Variants in SNX13 observed in about 807,000 individuals in gnomAD.
SNX13 encodes the protein sorting nexin-13.
Under a neutral mutation model 133.6 loss-of-function variants are expected in SNX13, and 45 were observed. The observed-to-expected ratio is 0.34, with a 90% CI of 0.27 to 0.43. The LOEUF is 0.43. SNX13 is among the 20% of genes least tolerant of loss of function. The probability of loss-of-function intolerance (pLI) is 1.00; values close to 1 mark genes in which losing one functional copy is unlikely to be tolerated. For synonymous variants in SNX13, 414 were observed against 373.9 expected (o/e 1.11, Z -1.24); for missense variants, 1,032 against 1,145.1 (o/e 0.90, Z 1.43).
intron 1 of SNX13, among the ~76,000 whole-genome samples, chr7:17,919,871 C>A (rs923680807): frequency 6.6e-6 from 1 of 152,142 alleles, no homozygotes; most frequent in African/African-American, 2.4e-5. Flanking sequence ...TAGCTCACAC[C>A]TGTAATCCCA....
At chr7:17,922,952 C>A (rs191261663) in intron 1 of SNX13, among the ~76,000 whole-genome samples, 348 of 152,264 alleles carry the variant, frequency 2.3e-3, no homozygotes, top group African/African-American at 6.4e-3. Context: ...CACTTTCACA[C>A]TGGTTTACTT....
chr7:17,818,053 C>A (rs1358779499), intron 18 of SNX13, among the ~76,000 whole-genome samples: 2 of 152,160 alleles, frequency 1.3e-5, no homozygotes, highest in East Asian at 1.9e-4. Flanking sequence ...AAATTTGGAC[C>A]CACTAAGAGA....
intron 11 of SNX13, among the ~76,000 whole-genome samples, chr7:17,849,889 C>T (rs905637652): frequency 5.9e-5 from 9 of 152,310 alleles, no homozygotes; most frequent in African/African-American, 1.4e-4. Flanking sequence ...ATTCTCTATA[C>T]GCTACTTTGC....
intron 22 of SNX13, among the ~76,000 whole-genome samples, chr7:17,801,016 A>T (rs1171343481): frequency 0.019 from 187 of 9,762 alleles, 6 homozygotes; most frequent in African/African-American, 0.049. Flanking sequence ...GAACATATAT[A>T]TATATATATA....
At chr7:17,907,841 T>A (rs1365234217) in intron 1 of SNX13, among the ~76,000 whole-genome samples, 1 of 152,188 alleles carries the variant, frequency 6.6e-6, no homozygotes, top group East Asian at 1.9e-4. Flanking sequence ...AAGCTTGCAA[T>A]TCCCAGGGTT....
chr7:17,821,362 A>G (rs1423480565), intron 18 of SNX13, 147 bp downstream of exon 18: 1 of 689,292 alleles, frequency 1.5e-6, no homozygotes, highest in East Asian at 2.7e-5. Flanking sequence ...TTAAATGCTC[A>G]GATTAATTCT....
chr7:17,824,447 C>T lies in SNX13; in HGVS notation c.1705+1575G>A, dbSNP rs186733751. 3.7e-3 allele frequency among the ~76,000 whole-genome samples: 560 copies of T among 152,108 alleles called. 5 individuals are homozygous for T. Among genetic ancestry groups the T allele is most frequent in the African/African-American group, 0.013 (535 of 41,512 alleles). On this transcript the variant is annotated intron_variant, in intron 17 of 25. Transcript: ENST00000428135. ...GTTGGTAAAATAAGTATTTAATGAA[C>T]CAAAAATCAAATATGTTTACCATGC...
At chr7:17,848,108 T>TA (rs982278150) in intron 11 of SNX13, among the ~76,000 whole-genome samples, 1 of 152,022 alleles carries the variant, frequency 6.6e-6, no homozygotes, top group Non-Finnish European at 1.5e-5. Context: ...CCTGTGCCTA[T>TA]AAAAAACCGA....
chr7:17,850,543 T>C, intron 10 of SNX13, 108 bp from the exon 11 acceptor site: 2 of 691,644 alleles, frequency 2.9e-6, no homozygotes, highest in Non-Finnish European at 4.5e-6. Flanking sequence ...CAGCAACTGT[T>C]TTAGTCAATA....
intron 3 of SNX13, among the ~76,000 whole-genome samples, chr7:17,892,362 G>C (rs1409521188): frequency 1.3e-5 from 2 of 151,676 alleles, no homozygotes; most frequent in African/African-American, 4.8e-5. Context: ...AACCATTCTT[G>C]AATATAATTT....
chr7:17,805,261 G>A lies in SNX13; in HGVS notation c.2065-1681C>T, dbSNP rs545116324. ...TGTGTGTGTGTGTGTGCGTGCGCGC[G>A]CGCGCATGCATGCACATGTGTAATT... is the stretch of plus-strand genomic sequence containing the variant. On this transcript the variant is annotated intron_variant, in intron 20 of 25. Coordinates refer to ENST00000428135, the MANE Select transcript of SNX13 (RefSeq NM_015132.5). 5.6e-3 allele frequency among the ~76,000 whole-genome samples: 837 copies of A among 148,332 alleles called. 12 individuals carry two copies. Among genetic ancestry groups the A allele is most frequent in the African/African-American group, 0.02 (790 of 40,410 alleles).
At chr7:17,880,129 T>A (rs1035928023) in intron 5 of SNX13, 1 of 152,234 alleles carries the variant, frequency 6.6e-6, no homozygotes, top group African/African-American at 2.4e-5. Flanking sequence ...GGTATTAACA[T>A]GACCTGGGTC....
chr7:17,803,336 T>A, intron 21 of SNX13, 83 bp downstream of exon 21: 1 of 1,294,640 alleles, frequency 7.7e-7, no homozygotes. Flanking sequence ...GTTAAGGGAC[T>A]AAGGTAAATC....
intron 11 of SNX13, among the ~76,000 whole-genome samples, chr7:17,847,674 G>C (rs1045938722): frequency 7.9e-5 from 12 of 152,088 alleles, no homozygotes; most frequent in African/African-American, 2.7e-4. Context: ...CTCTCCTTTA[G>C]GGCAAAACTT....
At chr7:17,798,947 CAGAAGTA>C in intron 23 of SNX13, 55 bp downstream of exon 23, 1 of 1,536,186 alleles carries the variant, frequency 6.5e-7, no homozygotes, top group Non-Finnish European at 8.8e-7. Flanking sequence ...AATCTACTTC[CAGAAGTA>C]AGAGTTTAAT....
intron 12 of SNX13, 52 bp from the exon 13 acceptor site, chr7:17,840,052 G>A (rs896607161): frequency 1.2e-5 from 18 of 1,472,010 alleles, no homozygotes; most frequent in African/African-American, 2.9e-5. Context: ...CACAATTTGG[G>A]GTCCATGTAG....
Position 17,814,952 on chromosome 7 carries a change from G to GA in SNX13, c.1954-9dup, listed in dbSNP as rs34649849. ...TTCAGGAGCTAACAGTAACTAACAAGAAAAAAAAAAAAAAGAAGAGATTAT... is the reference window on the plus strand; with the variant it reads ...TTCAGGAGCTAACAGTAACTAACAAGAAAAAAAAAAAAAAAGAAGAGATTAT... On this transcript the variant is annotated splice_polypyrimidine_tract_variant and intron_variant, in intron 19 of 25. Coordinates refer to ENST00000428135, the MANE Select transcript of SNX13 (RefSeq NM_015132.5). The GA allele has an allele frequency of 0.1, 113,670 of 1,133,408 alleles. 151 individuals are homozygous for GA. The highest frequency in any genetic ancestry group is 0.12 in the East Asian group (3,428 of 27,594). The allele number at this position is 1,133,408 out of a possible 1,614,324, so 70.2% of individuals were successfully genotyped here.
chr7:17,938,471 G>A (rs1241497740), intron 1 of SNX13, among the ~76,000 whole-genome samples: 2 of 152,152 alleles, frequency 1.3e-5, no homozygotes, highest in African/African-American at 4.8e-5. Flanking sequence ...ATTTAATCTG[G>A]GTCTTACTTT....
intron 13 of SNX13, 23 bp from the exon 14 acceptor site, chr7:17,834,888 A>G (rs996133041): frequency 2.2e-6 from 3 of 1,350,472 alleles, no homozygotes; most frequent in Non-Finnish European, 3.2e-6. Context: ...AATAATAGTA[A>G]TGATCTCTGT....
Sources: gnomAD v4.1 joint callset for allele counts (sites outside exome capture counted in the v4.1 genomes callset) on GRCh38, gnomAD v4.1.1 for gene constraint, MANE v1.5 for transcripts, NCBI Gene and HGNC (gene_info 2026-07-23, HGNC 2026-07-21) for gene names.